Variants in CFAP61 observed in about 807,000 individuals in gnomAD.
The protein encoded by CFAP61 is cilia and flagella associated protein 61.
Under a neutral mutation model 135.6 loss-of-function variants are expected in CFAP61, and 107 were observed. That is an observed-to-expected ratio of 0.79 (90% CI 0.67 to 0.93). The LOEUF (loss-of-function observed/expected upper bound fraction) is 0.93. CFAP61 is among the 40% of genes least tolerant of loss of function. The pLI is 0.00. For synonymous variants in CFAP61, 575 were observed against 578.5 expected, an observed-to-expected ratio of 0.99 and a Z score of 0.09; for missense variants, 1,507 against 1,556.2, an observed-to-expected ratio of 0.97 and a Z score of 0.53.
chr20:20,336,140 G>A (rs1302430493), intron 25 of CFAP61, among the ~76,000 whole-genome samples: 3 of 152,120 alleles, frequency 2.0e-5, no homozygotes, highest in African/African-American at 7.2e-5. Flanking sequence ...AATAGAACAG[G>A]ATGCCTCCCA....
chr20:20,131,734 G>A (rs2050544014), intron 8 of CFAP61, among the ~76,000 whole-genome samples: 4 of 151,024 alleles, frequency 2.6e-5, no homozygotes, highest in African/African-American at 9.7e-5. Context: ...TGATTTTTCA[G>A]CTTTTCTTCC....
At position 20,191,349 on chromosome 20, in the gene CFAP61, C is replaced by T; in HGVS notation, c.1520C>T (p.Thr507Ile). 1 of 1,612,544 alleles carries T rather than the reference C, an allele frequency of 6.2e-7. No individual in the cohort carries two copies. The highest frequency in any genetic ancestry group is 8.5e-7 in the Non-Finnish European group (1 of 1,178,932). ...YNKARKDPDG[T>I]LLQAFVAEVA... ...ATATGCTTATCTTTTCAGGATGGAA[C>T]ACTGCTGCAGGCATTTGTAGCTGAA... The change falls in exon 15 of 27, where the codon ACA becomes ATA. Residue 507 changes from threonine (T) to isoleucine (I), a missense_variant. Transcript: ENST00000245957.
chr20:20,224,139 A>G (rs2048575582), intron 17 of CFAP61, among the ~76,000 whole-genome samples: 1 of 152,196 alleles, frequency 6.6e-6, no homozygotes, highest in African/African-American at 2.4e-5. Context: ...GTCTAGTTGT[A>G]GGGTGGCAGG....
intron 9 of CFAP61, among the ~76,000 whole-genome samples, chr20:20,149,658 A>C (rs1412324009): frequency 1.3e-5 from 2 of 152,218 alleles, no homozygotes; most frequent in African/African-American, 4.8e-5. Flanking sequence ...GAAATATAAA[A>C]GTAGAAGCAG....
At chr20:20,067,970 AT>A (rs1415147271) in intron 2 of CFAP61, among the ~76,000 whole-genome samples, 1 of 151,978 alleles carries the variant, frequency 6.6e-6, no homozygotes, top group Non-Finnish European at 1.5e-5. Context: ...ACTGTAGTGC[AT>A]TTTCCCATTG....
At chr20:20,125,314 G>A (rs1211772240) in intron 8 of CFAP61, among the ~76,000 whole-genome samples, 1 of 151,596 alleles carries the variant, frequency 6.6e-6, no homozygotes, top group Non-Finnish European at 1.5e-5. Context: ...ACCTTAGAAT[G>A]TCAGTTTGTG....
intron 8 of CFAP61, among the ~76,000 whole-genome samples, chr20:20,130,686 C>T (rs1239548196): frequency 1.3e-5 from 2 of 151,734 alleles, no homozygotes; most frequent in African/African-American, 4.9e-5. Flanking sequence ...GCCACCCATC[C>T]TGAATGGAGG....
At chr20:20,345,510 T>C (rs577407926) in intron 26 of CFAP61, among the ~76,000 whole-genome samples, 1 of 152,234 alleles carries the variant, frequency 6.6e-6, no homozygotes, top group Non-Finnish European at 1.5e-5. Context: ...AACTATCATA[T>C]CCTAGAGCTT....
In CFAP61 at chr20:20,209,287, A is replaced by T. The variant is rs140464137; in HGVS notation, c.1932+9385A>T. Among the ~76,000 whole-genome samples, 5 of 152,296 alleles carry T rather than the reference A, an allele frequency of 3.3e-5. No homozygotes were observed. In the East Asian group the frequency reaches 7.7e-4, roughly 24 times the overall value. ...TTTTATCACGATGAACAGTGCTACC[A>T]TATCTGCCCTTATTATTTTTCAGCA... On this transcript the variant is annotated intron_variant, in intron 17 of 26. Coordinates refer to ENST00000245957, the MANE Select transcript of CFAP61 (RefSeq NM_015585.4).
At chr20:20,267,281 C>G (rs930006510) in intron 21 of CFAP61, among the ~76,000 whole-genome samples, 1 of 152,182 alleles carries the variant, frequency 6.6e-6, no homozygotes, top group Non-Finnish European at 1.5e-5. Flanking sequence ...CTGTGAAGGG[C>G]AGCAGCAGGA....
rs562667846 is a variant in CFAP61, at chr20:20,097,197, T to C, written c.700-1458T>C. Among the ~76,000 whole-genome samples the C allele has an allele frequency of 2.6e-5, 4 of 152,194 alleles. No homozygotes were observed. The South Asian group carries it at 6.2e-4, about 24-fold the overall frequency. On this transcript the variant is annotated intron_variant, in intron 7 of 26. Coordinates refer to ENST00000245957, the MANE Select transcript of CFAP61 (RefSeq NM_015585.4). The stretch of plus-strand genomic sequence containing the variant: ...AGCATTTTCTCTGACTGGGCATTTA[T>C]GGAAAGATGCTGCGTTCTTGGGAAT...
chr20:20,087,533 A>G (rs2046892839), intron 6 of CFAP61, among the ~76,000 whole-genome samples: 1 of 152,160 alleles, frequency 6.6e-6, no homozygotes, highest in Non-Finnish European at 1.5e-5. Flanking sequence ...TTTTAAGAAG[A>G]TTAGTGATGG....
intron 17 of CFAP61, among the ~76,000 whole-genome samples, 185 bp from the exon 18 acceptor site, chr20:20,228,064 T>G (rs1007512938): frequency 6.6e-6 from 1 of 152,234 alleles, no homozygotes; most frequent in Non-Finnish European, 1.5e-5. Context: ...CATATCCACA[T>G]GTTCTTACAT....
intron 20 of CFAP61, among the ~76,000 whole-genome samples, 160 bp downstream of exon 20, chr20:20,251,923 A>G (rs371005558): frequency 1.3e-5 from 2 of 152,338 alleles, no homozygotes; most frequent in Admixed American, 6.5e-5. Flanking sequence ...GCCCGCACAC[A>G]TAACCAGAAT....
At chr20:20,282,455 C>T (rs2054266749) in intron 22 of CFAP61, among the ~76,000 whole-genome samples, 1 of 152,120 alleles carries the variant, frequency 6.6e-6, no homozygotes, top group Admixed American at 6.5e-5. Flanking sequence ...TGAGCTGCAT[C>T]CCATAAACTC....
intron 15 of CFAP61, among the ~76,000 whole-genome samples, chr20:20,192,666 C>T (rs540824446): frequency 1.3e-5 from 2 of 152,182 alleles, no homozygotes; most frequent in African/African-American, 2.4e-5. Flanking sequence ...TTTGTTAAAC[C>T]GCCCTCCAAT....
intron 2 of CFAP61, among the ~76,000 whole-genome samples, chr20:20,064,032 A>ACCCCACCCC (rs373522191): frequency 8.8e-6 from 1 of 113,222 alleles, no homozygotes; most frequent in African/African-American, 2.9e-5. Flanking sequence ...AAATAGAGTA[A>ACCCCACCCC]CCGCCCCCCA....
intron 26 of CFAP61, among the ~76,000 whole-genome samples, chr20:20,356,201 G>A (rs1281563505): frequency 7.1e-6 from 1 of 140,104 alleles, no homozygotes; most frequent in Non-Finnish European, 1.6e-5. Flanking sequence ...CTGAGGGGAG[G>A]TGGTCATACT....
chr20:20,289,465 G>A (rs2054846846), intron 23 of CFAP61, among the ~76,000 whole-genome samples: 2 of 152,142 alleles, frequency 1.3e-5, no homozygotes, highest in African/African-American at 4.8e-5. Flanking sequence ...TCACGTTTAG[G>A]GTATGAGAAA....
Sources: gnomAD v4.1 joint callset for allele counts (sites outside exome capture counted in the v4.1 genomes callset) on GRCh38, gnomAD v4.1.1 for gene constraint, MANE v1.5 for transcripts, NCBI Gene and HGNC (gene_info 2026-07-23, HGNC 2026-07-21) for gene names.